The following ERC2 variants were observed in gnomAD, a reference collection of about 807,000 sequenced individuals.
ERC2 encodes the protein ELKS/RAB6-interacting/CAST family member 2, also known as ERC protein 2.
In ERC2, 42 loss-of-function variants were observed where a neutral mutation model predicts 114.8. That is an observed-to-expected ratio of 0.37 (90% confidence interval 0.29 to 0.47). ERC2 has a LOEUF of 0.47. ERC2 is among the 20% of genes least tolerant of loss of function. ERC2 has a pLI of 0.99. For synonymous variants in ERC2, 454 were observed against 425.5 expected, an observed-to-expected ratio of 1.07 and a Z score of -0.82; for missense variants, 939 against 1,150.7, an observed-to-expected ratio of 0.82 and a Z score of 2.66.
chr3:56,011,491 C>A (rs2072932539), intron 8 of ERC2, among the ~76,000 whole-genome samples: 1 of 152,100 alleles, frequency 6.6e-6, no homozygotes, highest in Non-Finnish European at 1.5e-5. Context: ...CAAACATACA[C>A]CTGGAGCCAT....
At chr3:56,439,034 T>G (rs1026766373) in intron 1 of ERC2, among the ~76,000 whole-genome samples, 3 of 152,262 alleles carry the variant, frequency 2.0e-5, no homozygotes, top group African/African-American at 7.2e-5. Context: ...TAATAACAGA[T>G]GTATGCTAGT....
chr3:56,466,780 T>C (rs987866146), intron 1 of ERC2, among the ~76,000 whole-genome samples: 2 of 152,148 alleles, frequency 1.3e-5, no homozygotes, highest in Admixed American at 1.3e-4. Context: ...CCCCAAGTAC[T>C]GTATACTGAG....
At chr3:55,659,546 C>T (rs955204738) in intron 17 of ERC2, among the ~76,000 whole-genome samples, 2 of 152,072 alleles carry the variant, frequency 1.3e-5, no homozygotes, top group Non-Finnish European at 2.9e-5. Flanking sequence ...TCCACTCACT[C>T]CCCTCCATCA....
chr3:56,230,587 A>C (rs1218712605), intron 3 of ERC2, among the ~76,000 whole-genome samples: 1 of 152,186 alleles, frequency 6.6e-6, no homozygotes, highest in Non-Finnish European at 1.5e-5. Flanking sequence ...CATTCAAATT[A>C]TTATAAATAG....
chr3:56,402,703 A>G (rs1051311249), intron 2 of ERC2, among the ~76,000 whole-genome samples: 17 of 152,156 alleles, frequency 1.1e-4, no homozygotes, highest in Non-Finnish European at 2.1e-4. Flanking sequence ...TAACCTACAC[A>G]TATTTTATTA....
chr3:55,769,890 ATGT>A (rs2068070586), intron 14 of ERC2, among the ~76,000 whole-genome samples: 1 of 152,182 alleles, frequency 6.6e-6, no homozygotes, highest in Non-Finnish European at 1.5e-5. Flanking sequence ...GTGGCAGATC[ATGT>A]TGTCATTCAC....
At chr3:56,416,542 A>C (rs2061161941) in intron 2 of ERC2, among the ~76,000 whole-genome samples, 1 of 151,752 alleles carries the variant, frequency 6.6e-6, no homozygotes, top group Admixed American at 6.6e-5. Context: ...ATCCACCCTA[A>C]CCATGCCATG....
chr3:56,444,532 T>C (rs1417476700), intron 1 of ERC2, among the ~76,000 whole-genome samples: 1 of 152,156 alleles, frequency 6.6e-6, no homozygotes, highest in East Asian at 1.9e-4. Context: ...CTTTCTCTAA[T>C]TGCATAGGAA....
rs143386757 is a variant in ERC2, at chr3:56,102,188, G to A, written c.1474-21204C>T. Among the ~76,000 whole-genome samples the A allele has an allele frequency of 1.9e-3, 283 of 152,202 alleles. 1 individual carries two copies. The highest frequency in any genetic ancestry group is 0.013 in the East Asian group (65 of 5,172). ...TGGAGGTCAGGCGAGTGACACAAGC[G>A]CTCCCTCCAGCTGGGTGGGACGGGG... On this transcript the variant is annotated intron_variant, in intron 6 of 17. Coordinates refer to ENST00000288221, the MANE Select transcript of ERC2 (RefSeq NM_015576.3).
At chr3:56,139,136 A>G (rs1353874511) in intron 6 of ERC2, among the ~76,000 whole-genome samples, 1 of 152,228 alleles carries the variant, frequency 6.6e-6, no homozygotes, top group African/African-American at 2.4e-5. Context: ...TGGATTTACC[A>G]AATCTAAAAT....
intron 2 of ERC2, among the ~76,000 whole-genome samples, chr3:56,355,553 C>G (rs1214699071): frequency 1.3e-5 from 2 of 152,086 alleles, no homozygotes; most frequent in Non-Finnish European, 2.9e-5. Context: ...CTCAAGCGAT[C>G]CTCCTGTCTC....
At chr3:55,886,280 AC>A (rs926438646) in intron 14 of ERC2, among the ~76,000 whole-genome samples, 10 of 152,296 alleles carry the variant, frequency 6.6e-5, no homozygotes, top group African/African-American at 1.9e-4. Context: ...AATGCAAAAA[AC>A]ATCATATGAT....
intron 17 of ERC2, among the ~76,000 whole-genome samples, chr3:55,619,130 T>C (rs1286978535): frequency 6.6e-6 from 1 of 152,224 alleles, no homozygotes; most frequent in Non-Finnish European, 1.5e-5. Flanking sequence ...CTGTACCACT[T>C]AATAAAACAG....
chr3:55,900,359 A>C (rs1272702434), intron 13 of ERC2, among the ~76,000 whole-genome samples: 1 of 152,198 alleles, frequency 6.6e-6, no homozygotes, highest in African/African-American at 2.4e-5. Flanking sequence ...GTGAGGCCCT[A>C]GAAAATCAAA....
intron 6 of ERC2, 80 bp from the exon 7 acceptor site, chr3:56,081,064 C>T (rs951037147): frequency 2.0e-6 from 3 of 1,464,154 alleles, no homozygotes; most frequent in African/African-American, 2.8e-5. Flanking sequence ...TTTGAGGAGG[C>T]AGGGCAGCAG....
intron 17 of ERC2, among the ~76,000 whole-genome samples, chr3:55,603,217 C>T (rs765245887): frequency 6.6e-6 from 1 of 152,140 alleles, no homozygotes; most frequent in Non-Finnish European, 1.5e-5. Flanking sequence ...ACCAGAGATA[C>T]TATGTTTATA....
At chr3:56,282,327 C>T (rs1002146244) in intron 3 of ERC2, among the ~76,000 whole-genome samples, 1 of 151,798 alleles carries the variant, frequency 6.6e-6, no homozygotes, top group Non-Finnish European at 1.5e-5. Context: ...AGAGGGAAAC[C>T]AACATATTAA....
chr3:55,785,414 A>C (rs147296991), intron 14 of ERC2, among the ~76,000 whole-genome samples: 3 of 152,098 alleles, frequency 2.0e-5, no homozygotes, highest in Admixed American at 1.3e-4. Context: ...CTTTTAGCTA[A>C]CCTCCATCCC....
intron 17 of ERC2, among the ~76,000 whole-genome samples, chr3:55,655,547 T>A (rs2060819584): frequency 6.6e-6 from 1 of 152,218 alleles, no homozygotes; most frequent in Non-Finnish European, 1.5e-5. Context: ...TTGCATTCCC[T>A]TATGGCATGT....
Sources: allele counts gnomAD v4.1 joint callset (sites outside exome capture counted in the v4.1 genomes callset), GRCh38; gene constraint gnomAD v4.1.1; transcripts MANE v1.5; gene names NCBI Gene and HGNC (gene_info 2026-07-23, HGNC 2026-07-21).